STK33: variants seen among roughly 807,000 people sequenced by gnomAD.
STK33 encodes the protein serine/threonine kinase 33, also known as serine/threonine-protein kinase 33.
STK33 carries 52 observed loss-of-function variants against 58.0 expected under a neutral mutation model. That is an observed-to-expected ratio of 0.90 (90% CI 0.72 to 1.13). The LOEUF is 1.13. STK33 is among the 50% of genes most tolerant of loss of function. The pLI, the probability that STK33 is intolerant of heterozygous loss-of-function variation, is 0.00. For synonymous variants in STK33, 215 were observed against 200.1 expected (o/e 1.07, Z -0.63); for missense variants, 630 against 604.2 (o/e 1.04, Z -0.45).
chr11:8,524,140 C>T (rs943111185), intron 1 of STK33, among the ~76,000 whole-genome samples: 11 of 151,952 alleles, frequency 7.2e-5, no homozygotes, highest in African/African-American at 2.4e-4. Flanking sequence ...GAGTCATCAC[C>T]GCTCCCTAAT....
At chr11:8,389,764 A>AT (rs971984290), downstream of STK33, among the ~76,000 whole-genome samples, 2 of 152,034 alleles carry the variant, frequency 1.3e-5, no homozygotes, top group Non-Finnish European at 2.9e-5. Context: ...AGATGTTTTG[A>AT]TTTTTTTTGG....
intron 13 of STK33, 115 bp downstream of exon 13, chr11:8,435,889 TATTTCCACAAGTAAATAGTGTTC>T: frequency 2.0e-6 from 1 of 499,228 alleles, no homozygotes; most frequent in Non-Finnish European, 3.4e-6. Flanking sequence ...AAGATATCGC[TATTTCCACAAGTAAATAGTGTTC>T]ATTTCCACAA....
chr11:8,500,198 A>G (rs1361125078), intron 1 of STK33, among the ~76,000 whole-genome samples: 1 of 152,156 alleles, frequency 6.6e-6, no homozygotes. Flanking sequence ...GTCCTACACT[A>G]CAGCACAATT....
At chr11:8,586,581 T>C (rs1361171767) in intron 1 of STK33, among the ~76,000 whole-genome samples, 2 of 152,144 alleles carry the variant, frequency 1.3e-5, no homozygotes, top group Non-Finnish European at 2.9e-5. Context: ...CCCAGCACTT[T>C]GGGAGGCCAA....
rs1362469516 is a variant in STK33 at position 8,475,832 on chromosome 11, G to GT, written c.-161-767dup. The GT allele has an allele frequency of 3.9e-5, 6 of 152,228 alleles. No individual in the cohort carries two copies. The East Asian group carries it at 9.7e-4, about 24-fold the overall frequency. The allele number at this position is 152,228 out of a possible 1,614,324, so 9.4% of individuals were successfully genotyped here. On this transcript the variant is annotated intron_variant, in intron 4 of 15. Transcript: ENST00000687296. ...AAGTAATTGGGAGTACATTATTATG[G>GT]TTTTATGCTATACCATTTCAGACAG...
intron 1 of STK33, among the ~76,000 whole-genome samples, chr11:8,505,557 C>T (rs140606390): frequency 6.6e-6 from 1 of 152,296 alleles, no homozygotes; most frequent in African/African-American, 2.4e-5. Flanking sequence ...AGAAGGCTTC[C>T]CTAACCTCTA....
intron 15 of STK33, 62 bp from the exon 16 acceptor site, chr11:8,392,772 G>A: frequency 2.6e-6 from 4 of 1,553,600 alleles, no homozygotes; most frequent in Non-Finnish European, 3.5e-6. Flanking sequence ...ATTCAAAGAT[G>A]CAAGGAACTA....
At chr11:8,503,708 G>A (rs1316592186) in intron 1 of STK33, among the ~76,000 whole-genome samples, 2 of 152,110 alleles carry the variant, frequency 1.3e-5, no homozygotes, top group African/African-American at 4.8e-5. Flanking sequence ...TAGTCAGTTC[G>A]ACTTAAAATT....
At chr11:8,435,644 A>G (rs919538897) in intron 13 of STK33, 65 bp from the exon 14 acceptor site, 25 of 968,400 alleles carry the variant, frequency 2.6e-5, no homozygotes, top group Non-Finnish European at 3.5e-5. Context: ...ACATTTTACA[A>G]TTTTTTAGGA....
chr11:8,416,014 C>T (rs541221145), intron 14 of STK33, among the ~76,000 whole-genome samples: 2 of 152,278 alleles, frequency 1.3e-5, no homozygotes, highest in South Asian at 4.1e-4. Context: ...CCAATTTTGT[C>T]ACTTCTCTCA....
chr11:8,339,952 T>C, the STK33 span, among the ~76,000 whole-genome samples: 2 of 152,298 alleles, frequency 1.3e-5, no homozygotes, highest in South Asian at 4.1e-4. Flanking sequence ...TCCCTGCCCC[T>C]GGTGAGCTTG....
chr11:8,543,590 G>C (rs919212453), intron 1 of STK33, among the ~76,000 whole-genome samples: 3 of 152,138 alleles, frequency 2.0e-5, no homozygotes, highest in Non-Finnish European at 4.4e-5. Context: ...ATGGCTACCA[G>C]AGGGTGGGAA....
chr11:8,518,898 T>A (rs1420148841), intron 1 of STK33, among the ~76,000 whole-genome samples: 2 of 152,158 alleles, frequency 1.3e-5, no homozygotes, highest in South Asian at 2.1e-4. Context: ...AATGGGAGAC[T>A]TTAACACCCC....
At chr11:8,491,314 C>T (rs1950593347) in intron 1 of STK33, among the ~76,000 whole-genome samples, 2 of 152,112 alleles carry the variant, frequency 1.3e-5, no homozygotes, top group Non-Finnish European at 2.9e-5. Context: ...CTTCAGTAGC[C>T]GATTTGATCA....
At chr11:8,349,274 G>C in the STK33 span, among the ~76,000 whole-genome samples, 1 of 152,238 alleles carries the variant, frequency 6.6e-6, no homozygotes, top group Non-Finnish European at 1.5e-5. Context: ...TATCATATAA[G>C]TGCCATGCAA....
chr11:8,525,919 G>A lies in STK33; in HGVS notation c.-465-45305C>T, dbSNP rs145998988. Among the ~76,000 whole-genome samples, 112 of 152,188 alleles carry A rather than the reference G, an allele frequency of 7.4e-4. 2 individuals carry two copies. The East Asian group carries it at 0.017, about 23-fold the overall frequency. Reference sequence around the variant, plus strand: ...ACTGCAAGGGGGCCTTCACAAAAGAGGATACCCAAATGCCAATAAACATAA... The same window carrying A: ...ACTGCAAGGGGGCCTTCACAAAAGAAGATACCCAAATGCCAATAAACATAA... On this transcript the variant is annotated intron_variant, in intron 1 of 15. Transcript: ENST00000687296.
chr11:8,533,184 C>CT (rs1201750075), intron 1 of STK33, among the ~76,000 whole-genome samples: 1 of 152,194 alleles, frequency 6.6e-6, no homozygotes, highest in Non-Finnish European at 1.5e-5. Flanking sequence ...CATTAACACC[C>CT]TTTTCCCATG....
rs185169975 is a variant in STK33 at position 8,394,143 on chromosome 11, G to T, written c.1345-1433C>A. ...TTTCTGTGTGTTCTTTTAAGAGGTA[G>T]AAAATATTTAAAATTCTTTAGTATT... On this transcript the variant is annotated intron_variant, in intron 15 of 15. Coordinates refer to ENST00000687296, the MANE Select transcript of STK33 (RefSeq NM_001352389.2). Among the ~76,000 whole-genome samples the T allele has an allele frequency of 3.5e-3, 526 of 152,170 alleles. 1 individual carries two copies. Among genetic ancestry groups the T allele is most frequent in the African/African-American group, 0.012 (509 of 41,520 alleles).
chr11:8,405,300 G>A (rs1564870475), intron 15 of STK33, among the ~76,000 whole-genome samples: 1 of 152,194 alleles, frequency 6.6e-6, no homozygotes, highest in South Asian at 2.1e-4. Flanking sequence ...GTGATATCCT[G>A]TGGTGGACTT....
Sources: allele counts gnomAD v4.1 joint callset (sites outside exome capture counted in the v4.1 genomes callset), GRCh38; gene constraint gnomAD v4.1.1; transcripts MANE v1.5; gene names NCBI Gene and HGNC (gene_info 2026-07-23, HGNC 2026-07-21).